C10orf90: variants seen among roughly 807,000 people sequenced by gnomAD.
C10orf90 encodes the protein (E2-independent) E3 ubiquitin-conjugating enzyme FATS.
A neutral mutation model predicts 62.5 loss-of-function variants in C10orf90; 56 were observed. The ratio of observed to expected loss-of-function variants is 0.90; its 90% CI spans 0.72 to 1.12. The LOEUF is 1.12. C10orf90 is among the 50% of genes most tolerant of loss of function. The probability of loss-of-function intolerance (pLI) is 0.00; values close to 1 mark genes in which losing one functional copy is unlikely to be tolerated. For missense variants in C10orf90, 970 were observed against 880.4 expected (o/e 1.10, Z -1.29); for synonymous variants, 386 against 340.4 (o/e 1.13, Z -1.47).
intron 4 of C10orf90, among the ~76,000 whole-genome samples, chr10:126,473,456 CTT>C (rs1373140536): frequency 4.6e-5 from 7 of 152,102 alleles, no homozygotes; most frequent in African/African-American, 1.2e-4. Context: ...AGAAAAAGTC[CTT>C]TGTGAGAACT....
At chr10:126,552,631 T>C (rs1398316625) in intron 2 of C10orf90, among the ~76,000 whole-genome samples, 1 of 152,234 alleles carries the variant, frequency 6.6e-6, no homozygotes, top group Non-Finnish European at 1.5e-5. Context: ...TGCAGCCCGA[T>C]CGTGTGGCTC....
chr10:126,562,251 A>T (rs996060767), intron 2 of C10orf90, among the ~76,000 whole-genome samples: 1 of 152,106 alleles, frequency 6.6e-6, no homozygotes, highest in South Asian at 2.1e-4. Context: ...CCCACATCCA[A>T]ACTGATTTGC....
At chr10:126,617,120 G>A (rs1845556145) in intron 2 of C10orf90, among the ~76,000 whole-genome samples, 1 of 152,156 alleles carries the variant, frequency 6.6e-6, no homozygotes, top group African/African-American at 2.4e-5. Flanking sequence ...AAAACACATT[G>A]GGAATAATTA....
At chr10:126,564,997 T>A (rs1198669605) in intron 2 of C10orf90, among the ~76,000 whole-genome samples, 10 of 6,198 alleles carry the variant, frequency 1.6e-3, no homozygotes, top group African/African-American at 1.7e-3. Context: ...AAATATATAT[T>A]ATATATAATA....
intron 2 of C10orf90, among the ~76,000 whole-genome samples, chr10:126,617,959 A>T (rs996433239): frequency 6.6e-6 from 1 of 152,210 alleles, no homozygotes; most frequent in Non-Finnish European, 1.5e-5. Flanking sequence ...GCTGTGGGCC[A>T]TGGCTGATGC....
chr10:126,434,603 G>A (rs1375576622), intron 7 of C10orf90, among the ~76,000 whole-genome samples: 1 of 152,190 alleles, frequency 6.6e-6, no homozygotes, highest in African/African-American at 2.4e-5. Context: ...TCAGCAGGGA[G>A]TCAATAAGCC....
At chr10:126,600,151 A>C (rs565754761) in intron 2 of C10orf90, among the ~76,000 whole-genome samples, 19 of 152,090 alleles carry the variant, frequency 1.2e-4, no homozygotes, top group African/African-American at 3.9e-4. Flanking sequence ...TGTGTGCACA[A>C]GTGTGTGCGT....
intron 2 of C10orf90, among the ~76,000 whole-genome samples, chr10:126,557,063 A>G (rs563784257): frequency 6.6e-6 from 1 of 151,566 alleles, no homozygotes; most frequent in South Asian, 2.1e-4. Flanking sequence ...CCAACCTAAT[A>G]GGAACTATGT....
At chr10:126,618,243 A>C (rs998550976) in intron 2 of C10orf90, among the ~76,000 whole-genome samples, 2 of 152,220 alleles carry the variant, frequency 1.3e-5, no homozygotes, top group Non-Finnish European at 2.9e-5. Flanking sequence ...TATGGCCCGC[A>C]TGATGCATCT....
chr10:126,595,137 C>T (rs1845058797), intron 2 of C10orf90, among the ~76,000 whole-genome samples: 2 of 152,336 alleles, frequency 1.3e-5, no homozygotes, highest in Non-Finnish European at 1.5e-5. Flanking sequence ...TGTTCTCAAA[C>T]TCTGGATTCC....
At chr10:126,566,175 C>T (rs899969672) in intron 2 of C10orf90, among the ~76,000 whole-genome samples, 12 of 152,152 alleles carry the variant, frequency 7.9e-5, no homozygotes, top group African/African-American at 2.4e-4. Context: ...ATTTGGTCTC[C>T]TCACCTTCTA....
chr10:126,565,307 TTATATTA>T lies in C10orf90; in HGVS notation c.314-51375_314-51369del, dbSNP rs1844341748. 1.1e-4 allele frequency among the ~76,000 whole-genome samples: 7 copies of T among 65,678 alleles called. No individual in the cohort carries two copies. The South Asian group carries it at 2.8e-3, about 26-fold the overall frequency. The allele number at this position is 65,678 out of a possible 152,430, so 43.1% of individuals were successfully genotyped here. On this transcript the variant is annotated intron_variant, in intron 2 of 9. Coordinates refer to ENST00000488181, the MANE Select transcript of C10orf90 (RefSeq NM_001350921.2). ...ATATATTATATATTTATATTATATA[TTATATTA>T]TATATATTATATATTTATATTATAT... is the stretch of plus-strand genomic sequence containing the variant.
intron 1 of C10orf90, among the ~76,000 whole-genome samples, chr10:126,668,090 C>T (rs1846669870): frequency 6.6e-6 from 1 of 152,096 alleles, no homozygotes; most frequent in Non-Finnish European, 1.5e-5. Flanking sequence ...TAAGACAGCT[C>T]AGGACTAAGA....
chr10:126,446,198 G>A (rs1320129196), intron 7 of C10orf90, among the ~76,000 whole-genome samples: 2 of 151,806 alleles, frequency 1.3e-5, no homozygotes, highest in Non-Finnish European at 2.9e-5. Context: ...AAGGAAAAGA[G>A]AAAGGGACAG....
chr10:126,491,542 G>C (rs4497314), intron 4 of C10orf90, among the ~76,000 whole-genome samples: 75,593 of 151,984 alleles, frequency 0.5, 18,961 homozygotes, highest in South Asian at 0.64. Context: ...TGATGGCATC[G>C]GGATTCTCTC....
chr10:126,580,393 T>C (rs1844721507), intron 2 of C10orf90, among the ~76,000 whole-genome samples: 1 of 152,188 alleles, frequency 6.6e-6, no homozygotes, highest in Non-Finnish European at 1.5e-5. Context: ...TGGTGGCTCA[T>C]TCCTGTAATC....
Position 126,656,699 on chromosome 10 carries a change from G to A in C10orf90, c.241-10062C>T, listed in dbSNP as rs370854378. Among the ~76,000 whole-genome samples the A allele has an allele frequency of 1.8e-4, 28 of 152,336 alleles. 2 individuals are homozygous for A. The highest frequency in any genetic ancestry group is 1.0e-3 in the South Asian group (5 of 4,820). On this transcript the variant is annotated intron_variant, in intron 1 of 9. Coordinates refer to ENST00000488181, the MANE Select transcript of C10orf90 (RefSeq NM_001350921.2). ...TGCCAGGGACTGGGCTTGGAAGTGC[G>A]TTGAGTGCAAAGGGCACAGGAGACT... is the stretch of plus-strand genomic sequence containing the variant.
At chr10:126,562,999 T>C (rs1864937715) in intron 2 of C10orf90, among the ~76,000 whole-genome samples, 1 of 152,206 alleles carries the variant, frequency 6.6e-6, no homozygotes, top group South Asian at 2.1e-4. Context: ...CGTACATTGC[T>C]TTCCATGGCT....
chr10:126,512,404 C>G (rs11245012), intron 3 of C10orf90, among the ~76,000 whole-genome samples: 39 of 21,624 alleles, frequency 1.8e-3, no homozygotes, highest in East Asian at 3.4e-3. Context: ...GTGTGTGTGT[C>G]TGTGTGTCTG....
Sources: allele counts gnomAD v4.1 joint callset (sites outside exome capture counted in the v4.1 genomes callset), GRCh38; gene constraint gnomAD v4.1.1; transcripts MANE v1.5; gene names NCBI Gene and HGNC (gene_info 2026-07-23, HGNC 2026-07-21).